The following MIPOL1 variants were observed in gnomAD, a reference collection of about 807,000 sequenced individuals.
The protein encoded by MIPOL1 is mirror-image polydactyly gene 1 protein.
In MIPOL1, 57 loss-of-function variants were observed where a neutral mutation model predicts 60.9. The ratio of observed to expected loss-of-function variants is 0.94; its 90% confidence interval spans 0.76 to 1.17. The LOEUF is 1.17. Among genes scored for constraint, MIPOL1 ranks in the 50% most tolerant of loss-of-function variants. The pLI is 0.00. For synonymous variants in MIPOL1, 179 were observed against 168.8 expected, an observed-to-expected ratio of 1.06 and a Z score of -0.47; for missense variants, 551 against 511.6, an observed-to-expected ratio of 1.08 and a Z score of -0.74.
intron 10 of MIPOL1, among the ~76,000 whole-genome samples, chr14:37,399,278 A>G (rs1349517310): frequency 1.3e-5 from 2 of 152,114 alleles, no homozygotes; most frequent in Non-Finnish European, 2.9e-5. Context: ...TTTTGGGAGG[A>G]AAAATAAAAC....
At chr14:37,372,249 T>G (rs2092660262) in intron 10 of MIPOL1, among the ~76,000 whole-genome samples, 1 of 152,122 alleles carries the variant, frequency 6.6e-6, no homozygotes, top group Non-Finnish European at 1.5e-5. Context: ...GGTCATAGAT[T>G]ACATGGAACT....
chr14:37,314,943 T>C (rs2087715234), intron 9 of MIPOL1, among the ~76,000 whole-genome samples: 1 of 152,198 alleles, frequency 6.6e-6, no homozygotes, highest in Admixed American at 6.5e-5. Context: ...TGTTGGGAAC[T>C]CAGCAATAAT....
chr14:37,513,479 A>G (rs1230853850), intron 12 of MIPOL1, among the ~76,000 whole-genome samples: 2 of 152,166 alleles, frequency 1.3e-5, no homozygotes, highest in Admixed American at 1.3e-4. Context: ...TCATGTTGGT[A>G]TGAAGAAGAA....
intron 12 of MIPOL1, among the ~76,000 whole-genome samples, chr14:37,525,675 T>C (rs1242334955): frequency 6.6e-6 from 1 of 152,190 alleles, no homozygotes; most frequent in East Asian, 1.9e-4. Context: ...CATGAATGTT[T>C]CTGCAATGAG....
chr14:37,444,293 G>T lies in MIPOL1; in HGVS notation c.1031+21344G>T, dbSNP rs191053622. 1.4e-3 allele frequency among the ~76,000 whole-genome samples: 209 copies of T among 152,098 alleles called. 2 individuals are homozygous for T. Among genetic ancestry groups the T allele is most frequent in the Non-Finnish European group, 2.3e-3 (159 of 67,964 alleles). On this transcript the variant is annotated intron_variant, in intron 11 of 12. Coordinates refer to ENST00000684589, the MANE Select transcript of MIPOL1 (RefSeq NM_001388067.1). ...TAACTTATTCTAGTAGCTTTTTAAA[G>T]GTTGCATACAAAATTATGAGAAATT...
chr14:37,297,117 G>T (rs1365647778), intron 7 of MIPOL1, among the ~76,000 whole-genome samples: 1 of 152,140 alleles, frequency 6.6e-6, no homozygotes, highest in Admixed American at 6.6e-5. Flanking sequence ...ATGATCAAGT[G>T]GGCTTCATCC....
chr14:37,214,746 G>A (rs1261453238), intron 1 of MIPOL1, among the ~76,000 whole-genome samples: 1 of 152,202 alleles, frequency 6.6e-6, no homozygotes, highest in Non-Finnish European at 1.5e-5. Context: ...CCTGGACAGG[G>A]CTACTAGAGG....
chr14:37,299,869 G>A (rs2086215944), intron 7 of MIPOL1, among the ~76,000 whole-genome samples: 1 of 151,880 alleles, frequency 6.6e-6, no homozygotes, highest in African/African-American at 2.4e-5. Context: ...TGTCTCCCTA[G>A]CCTGTCCTGG....
In MIPOL1 at chr14:37,257,613, A is replaced by G. The variant is rs548338337; in HGVS notation, c.20-9325A>G. 3.3e-5 allele frequency among the ~76,000 whole-genome samples: 5 copies of G among 152,288 alleles called. No individual in the cohort carries two copies. In the South Asian group the frequency reaches 1.0e-3, roughly 32 times the overall value. On this transcript the variant is annotated intron_variant, in intron 3 of 12. Transcript: ENST00000684589. ...TTTGGTGGATCTGGAAATCATAGCT[A>G]GGGTTCCCACAGGAAATGGTCCATC...
chr14:37,468,371 C>T (rs182137692), intron 11 of MIPOL1, among the ~76,000 whole-genome samples: 7 of 152,186 alleles, frequency 4.6e-5, no homozygotes, highest in African/African-American at 7.2e-5. Flanking sequence ...TGTAACATCC[C>T]CTTCCAGGAT....
chr14:37,322,424 C>T (rs113780304), intron 9 of MIPOL1, among the ~76,000 whole-genome samples: 1 of 151,918 alleles, frequency 6.6e-6, no homozygotes, highest in Non-Finnish European at 1.5e-5. Context: ...TTGAGAAAGT[C>T]ATGTTTGACA....
intron 3 of MIPOL1, among the ~76,000 whole-genome samples, chr14:37,250,964 C>T (rs1973990796): frequency 6.6e-6 from 1 of 151,846 alleles, no homozygotes; most frequent in Non-Finnish European, 1.5e-5. Context: ...TTATGTTTTT[C>T]TTTGTTTTTG....
intron 9 of MIPOL1, among the ~76,000 whole-genome samples, chr14:37,321,027 G>A (rs1434999433): frequency 6.6e-6 from 1 of 151,970 alleles, no homozygotes; most frequent in East Asian, 1.9e-4. Flanking sequence ...TTGTGATAGT[G>A]TAAGGATCCA....
intron 3 of MIPOL1, among the ~76,000 whole-genome samples, chr14:37,257,597 T>A (rs1481665654): frequency 6.6e-6 from 1 of 152,172 alleles, no homozygotes; most frequent in Non-Finnish European, 1.5e-5. Context: ...ATTTGGTGGA[T>A]CTGGAAATCA....
chr14:37,268,849 A>T, intron 5 of MIPOL1, 56 bp downstream of exon 5: 1 of 1,326,612 alleles, frequency 7.5e-7, no homozygotes, highest in Non-Finnish European at 1.0e-6. Flanking sequence ...TTGATCTTCT[A>T]AATTTCCTTT....
chr14:37,270,588 A>G (rs2083223291), intron 6 of MIPOL1, 63 bp downstream of exon 6: 4 of 755,144 alleles, frequency 5.3e-6, no homozygotes, highest in African/African-American at 1.9e-5. Flanking sequence ...TATATGATGT[A>G]TCTTGGTGAA....
chr14:37,458,149 A>G (rs2094498355), intron 11 of MIPOL1, among the ~76,000 whole-genome samples: 1 of 152,190 alleles, frequency 6.6e-6, no homozygotes, highest in Non-Finnish European at 1.5e-5. Context: ...CTAAATATAT[A>G]TGCACCCAGA....
intron 3 of MIPOL1, among the ~76,000 whole-genome samples, chr14:37,251,893 G>C (rs957215230): frequency 1.3e-5 from 2 of 151,882 alleles, no homozygotes; most frequent in Non-Finnish European, 2.9e-5. Flanking sequence ...AGGTAAAAAT[G>C]AGATCTGGAT....
intron 11 of MIPOL1, among the ~76,000 whole-genome samples, chr14:37,425,300 T>G (rs1453851556): frequency 2.0e-5 from 3 of 152,192 alleles, no homozygotes; most frequent in Non-Finnish European, 4.4e-5. Context: ...TTCCTGAAGC[T>G]CCTTCTCTGC....
Sources: gnomAD v4.1 joint callset for allele counts (sites outside exome capture counted in the v4.1 genomes callset) on GRCh38, gnomAD v4.1.1 for gene constraint, MANE v1.5 for transcripts, NCBI Gene and HGNC (gene_info 2026-07-23, HGNC 2026-07-21) for gene names.